The following GAB2 variants were observed in gnomAD, a reference collection of about 807,000 sequenced individuals.
GAB2 encodes the protein GRB2-associated-binding protein 2.
In GAB2, 26 loss-of-function variants were observed where a neutral mutation model predicts 65.5. That is an observed-to-expected ratio of 0.40 (90% CI 0.29 to 0.55). The LOEUF is 0.55. Ranked by LOEUF, GAB2 falls within the 20% of genes least tolerant of loss-of-function variation. GAB2 has a pLI of 0.53. For missense variants in GAB2, 884 were observed against 875.8 expected (o/e 1.01, Z -0.12); for synonymous variants, 321 against 329.6 (o/e 0.97, Z 0.28).
intron 1 of GAB2, among the ~76,000 whole-genome samples, chr11:78,366,585 CAA>C (rs33997665): frequency 0.011 from 352 of 32,836 alleles, no homozygotes; most frequent in African/African-American, 0.048. Flanking sequence ...GACTCCATCT[CAA>C]AAAAAAAAAA....
At position 78,356,387 on chromosome 11, in the gene GAB2, T is replaced by C. The variant is rs150556743; in HGVS notation, c.75+61259A>G. ...AGACAGAAATGTTTATGTTTTCTTA[T>C]AGTATTCTTAAGGTTTTCTCACATG... On this transcript the variant is annotated intron_variant, in intron 1 of 9. Coordinates refer to ENST00000361507, the MANE Select transcript of GAB2 (RefSeq NM_080491.3). Among the ~76,000 whole-genome samples the C allele has an allele frequency of 7.6e-3, 1,164 of 152,330 alleles. 4 individuals carry two copies. The highest frequency in any genetic ancestry group is 0.013 in the Non-Finnish European group (890 of 68,022).
At chr11:78,406,287 G>C (rs115827859) in intron 1 of GAB2, among the ~76,000 whole-genome samples, 2 of 152,248 alleles carry the variant, frequency 1.3e-5, no homozygotes, top group South Asian at 4.1e-4. Flanking sequence ...GTCCCCTTCC[G>C]ATGATTGCAG....
chr11:78,221,138 A>C (rs1179149920), intron 8 of GAB2, among the ~76,000 whole-genome samples: 1 of 152,230 alleles, frequency 6.6e-6, no homozygotes, highest in Non-Finnish European at 1.5e-5. Context: ...TCTAATGAGA[A>C]GGTGATAGTC....
intron 1 of GAB2, among the ~76,000 whole-genome samples, chr11:78,350,200 A>G (rs576370603): frequency 6.6e-6 from 1 of 152,220 alleles, no homozygotes; most frequent in Non-Finnish European, 1.5e-5. Context: ...ATCAAGGAGA[A>G]CATGGCTTGA....
chr11:78,318,430 A>AC (rs1234459237), intron 1 of GAB2, among the ~76,000 whole-genome samples: 2 of 140,144 alleles, frequency 1.4e-5, no homozygotes, highest in African/African-American at 2.6e-5. Flanking sequence ...GCAGTGGCGG[A>AC]CCACTGACAG....
chr11:78,389,165 T>C (rs1176019976), intron 1 of GAB2, among the ~76,000 whole-genome samples: 1 of 152,206 alleles, frequency 6.6e-6, no homozygotes, highest in Non-Finnish European at 1.5e-5. Flanking sequence ...AGTGCCAAGA[T>C]AGAGTCTCAA....
intron 1 of GAB2, among the ~76,000 whole-genome samples, chr11:78,344,030 T>C (rs1480834948): frequency 6.6e-6 from 1 of 152,200 alleles, no homozygotes; most frequent in African/African-American, 2.4e-5. Flanking sequence ...GTTGAAGGAC[T>C]GTCTATAGAA....
At chr11:78,251,198 A>C (rs756111071) in intron 2 of GAB2, among the ~76,000 whole-genome samples, 2 of 152,112 alleles carry the variant, frequency 1.3e-5, no homozygotes, top group Non-Finnish European at 2.9e-5. Context: ...TTGCTTACTG[A>C]AGACTCATTA....
chr11:78,320,594 T>A (rs1326368243), intron 1 of GAB2, among the ~76,000 whole-genome samples: 2 of 152,012 alleles, frequency 1.3e-5, no homozygotes, highest in Non-Finnish European at 2.9e-5. Context: ...ACTGGGAGAT[T>A]TTTTTCTTTT....
intron 1 of GAB2, among the ~76,000 whole-genome samples, chr11:78,361,885 T>C (rs779167076): frequency 6.6e-6 from 1 of 152,130 alleles, no homozygotes; most frequent in Non-Finnish European, 1.5e-5. Flanking sequence ...TAAACTAACA[T>C]GTGCACAATG....
At chr11:78,373,236 G>C (rs894299896) in intron 1 of GAB2, among the ~76,000 whole-genome samples, 7 of 148,394 alleles carry the variant, frequency 4.7e-5, no homozygotes, top group Non-Finnish European at 7.4e-5. Context: ...TGATTATAAT[G>C]ACTTTTTTTT....
chr11:78,383,685 G>C (rs1856728147), intron 1 of GAB2, among the ~76,000 whole-genome samples: 1 of 152,004 alleles, frequency 6.6e-6, no homozygotes, highest in East Asian at 1.9e-4. Context: ...TTCAGCCCAG[G>C]AGGCAGAGGT....
intron 1 of GAB2, among the ~76,000 whole-genome samples, chr11:78,380,921 T>C (rs1419551373): frequency 1.3e-5 from 2 of 152,142 alleles, no homozygotes; most frequent in African/African-American, 2.4e-5. Flanking sequence ...GCACTGGTCT[T>C]GTATGGGAAA....
chr11:78,226,415 CCT>C, intron 4 of GAB2, 48 bp downstream of exon 4: 1 of 1,408,324 alleles, frequency 7.1e-7, no homozygotes, highest in South Asian at 1.2e-5. Context: ...ATTGAGAACC[CCT>C]GTGTTACCTC....
intron 3 of GAB2, among the ~76,000 whole-genome samples, chr11:78,233,207 T>G (rs1864895192): frequency 6.6e-6 from 1 of 152,092 alleles, no homozygotes; most frequent in Admixed American, 6.5e-5. Context: ...GCCTGGCTAA[T>G]TGTTTTTGGT....
chr11:78,316,459 C>T (rs1855608731), intron 1 of GAB2, among the ~76,000 whole-genome samples: 2 of 152,032 alleles, frequency 1.3e-5, no homozygotes, highest in Admixed American at 6.6e-5. Context: ...CAAAAACAAA[C>T]AACTTAACTA....
chr11:78,265,555 T>C (rs1219616103), intron 2 of GAB2, among the ~76,000 whole-genome samples: 2 of 152,164 alleles, frequency 1.3e-5, no homozygotes, highest in African/African-American at 4.8e-5. Flanking sequence ...ACCTCATCCA[T>C]AAAAGGGCCG....
chr11:78,262,343 G>A (rs954224515), intron 2 of GAB2, among the ~76,000 whole-genome samples: 1 of 152,220 alleles, frequency 6.6e-6, no homozygotes. Flanking sequence ...ACAGCTACCT[G>A]AAGAATTGTT....
chr11:78,313,935 A>C (rs1384655403), intron 1 of GAB2, among the ~76,000 whole-genome samples: 2 of 152,260 alleles, frequency 1.3e-5, no homozygotes, highest in Non-Finnish European at 2.9e-5. Context: ...AAGAGAGCAC[A>C]TGAAAGACTA....
Sources: gnomAD v4.1 joint callset for allele counts (sites outside exome capture counted in the v4.1 genomes callset) on GRCh38, gnomAD v4.1.1 for gene constraint, MANE v1.5 for transcripts, NCBI Gene and HGNC (gene_info 2026-07-23, HGNC 2026-07-21) for gene names.